Variants in SLC25A41 observed in about 807,000 individuals in gnomAD.
SLC25A41 encodes the protein mitochondrial carrier protein SCaMC-3L.
Under a neutral mutation model 34.7 loss-of-function variants are expected in SLC25A41, and 35 were observed. The ratio of observed to expected loss-of-function variants is 1.01; its 90% confidence interval spans 0.77 to 1.34. The LOEUF (loss-of-function observed/expected upper bound fraction) is 1.34. Ranked by LOEUF, SLC25A41 falls within the 40% of genes most tolerant of loss-of-function variation. The pLI is 0.00. For synonymous variants in SLC25A41, 190 were observed against 209.9 expected, an observed-to-expected ratio of 0.91 and a Z score of 0.82; for missense variants, 492 against 489.8, an observed-to-expected ratio of 1.00 and a Z score of -0.04.
upstream of SLC25A41, among the ~76,000 whole-genome samples, chr19:6,434,952 G>A (rs1358903298): frequency 6.6e-6 from 1 of 151,882 alleles, no homozygotes. Flanking sequence ...GCTGGGCGCC[G>A]TGGCTCATTC....
rs1555730062 is a variant in SLC25A41, at chr19:6,429,049, TTA to T, written c.624+673_624+674del. Among the ~76,000 whole-genome samples, 9 of 37,360 alleles carry T rather than the reference TTA, an allele frequency of 2.4e-4. 2 individuals are homozygous for T. Among genetic ancestry groups the T allele is most frequent in the East Asian group, 1.8e-3 (2 of 1,120 alleles). 24.5% of individuals were successfully genotyped at this position (37,360 alleles called of 152,430 possible). ...TATATATATATATATAATATATATATTATATATATGTTATATATATATATAAT... is the reference window on the plus strand; with the variant it reads ...TATATATATATATATAATATATATATTATATATGTTATATATATATATAAT... On this transcript the variant is annotated intron_variant, in intron 4 of 6. Transcript: ENST00000321510.
At chr19:6,433,384 G>A in intron 1 of SLC25A41, 103 bp downstream of exon 1, 1 of 1,183,036 alleles carries the variant, frequency 8.5e-7, no homozygotes, top group Admixed American at 1.8e-5. Context: ...TGGAATTCTA[G>A]GTCCGCTAGC....
At chr19:6,434,194 C>T (rs2092298283), upstream of SLC25A41, among the ~76,000 whole-genome samples, 1 of 152,150 alleles carries the variant, frequency 6.6e-6, no homozygotes, top group African/African-American at 2.4e-5. Context: ...CTGCCCACCT[C>T]AGCCTCCCAA....
At chr19:6,426,608 C>G in intron 6 of SLC25A41, 47 bp from the exon 7 acceptor site, 1 of 1,589,922 alleles carries the variant, frequency 6.3e-7, no homozygotes. Context: ...GATGACCGGG[C>G]CTCCTAGGAG....
intron 6 of SLC25A41, 78 bp from the exon 7 acceptor site, chr19:6,426,639 T>A: frequency 6.5e-7 from 1 of 1,531,348 alleles, no homozygotes; most frequent in Non-Finnish European, 8.9e-7. Flanking sequence ...TGCGGACAGG[T>A]GCTGAAGCCA....
At chr19:6,431,838 G>T (rs890664910) in intron 2 of SLC25A41, among the ~76,000 whole-genome samples, 1 of 151,992 alleles carries the variant, frequency 6.6e-6, no homozygotes, top group Non-Finnish European at 1.5e-5. Flanking sequence ...TCCCTGGCAA[G>T]TTCTCTCAAC....
At chr19:6,435,712 C>T (rs2092307857), upstream of SLC25A41, among the ~76,000 whole-genome samples, 1 of 152,030 alleles carries the variant, frequency 6.6e-6, no homozygotes, top group African/African-American at 2.4e-5. Flanking sequence ...TTAAAATTAG[C>T]CAGGTGTGGT....
intron 6 of SLC25A41, among the ~76,000 whole-genome samples, chr19:6,426,814 G>A (rs1182749559): frequency 2.0e-5 from 3 of 152,116 alleles, no homozygotes; most frequent in Admixed American, 6.6e-5. Flanking sequence ...TCTCTGTTGC[G>A]CAGGCTGGAG....
At chr19:6,432,923 C>T (rs1322569738) in intron 1 of SLC25A41, among the ~76,000 whole-genome samples, 1 of 152,092 alleles carries the variant, frequency 6.6e-6, no homozygotes, top group Non-Finnish European at 1.5e-5. Flanking sequence ...CTGCCTCAGC[C>T]TCCCAAAGTG....
Position 6,427,095 on chromosome 19 carries a change from A to G in SLC25A41, c.940+8T>C. The stretch of plus-strand genomic sequence containing the variant: ...GGCATGCGTGGTGGCCGCTGGGGAC[A>G]GGCTGACCTTGGGCCTGCATCCTGG... On this transcript the variant is annotated splice_region_variant and intron_variant, in intron 6 of 6. Coordinates refer to ENST00000321510, the MANE Select transcript of SLC25A41 (RefSeq NM_173637.4). This position sits in a 1 kb window ranked among gnomAD's most constrained non-coding sequence, Gnocchi z 4.9. The G allele has an allele frequency of 6.3e-7, 1 of 1,593,686 alleles. No homozygotes were observed. Among genetic ancestry groups the G allele is most frequent in the Non-Finnish European group, 8.5e-7 (1 of 1,171,160 alleles).
Position 6,427,028 on chromosome 19 carries a change from G to C in SLC25A41, c.940+75C>G. ...ACGGAGGGTGCCGGACTCAGTTTTG[G>C]GGTATGAGAAAATTGAGACAGCCAG... On this transcript the variant is annotated intron_variant, in intron 6 of 6. Transcript: ENST00000321510. This position sits in a 1 kb window ranked among gnomAD's most constrained non-coding sequence, Gnocchi z 4.9. 5 of 1,497,854 alleles carry C rather than the reference G, an allele frequency of 3.3e-6. No individual in the cohort carries two copies. In the South Asian group the frequency reaches 6.1e-5, roughly 18 times the overall value. 92.8% of individuals were successfully genotyped at this position (1,497,854 alleles called of 1,614,324 possible). A position where few individuals can be genotyped will look rare whatever the true frequency, so the allele number is the denominator to read the frequency against.
chr19:6,427,180 G>A lies in SLC25A41; in HGVS notation c.863C>T (p.Ser288Phe), dbSNP rs555585743. 9.9e-6 allele frequency: 16 copies of A among 1,612,372 alleles called. No individual in the cohort carries two copies. The South Asian group carries it at 1.6e-4, about 17-fold the overall frequency. ...GDPSGLVSLS[S>F]VTLSTTCGQM... ...GCCACAGGTCGTGGATAGCGTCACA[G>A]ACGACAGACTGACCAGGCCACTGGG... Residue 288 changes from serine (S) to phenylalanine (F), a missense_variant, in exon 6 of 7, where the codon TCT (serine) becomes TTT (phenylalanine). Transcript: ENST00000321510. This position sits in a 1 kb window ranked among gnomAD's most constrained non-coding sequence, Gnocchi z 4.9.
rs1568349255 is a variant in SLC25A41, at chr19:6,429,026, T to TATATATATATATATATA, written c.624+697_624+698insTATATATATATATATAT. Among the ~76,000 whole-genome samples the TATATATATATATATATA allele has an allele frequency of 2.7e-3, 88 of 33,080 alleles. 14 individuals carry two copies. Among genetic ancestry groups the TATATATATATATATATA allele is most frequent in the African/African-American group, 0.018 (85 of 4,762 alleles). The allele number at this position is 33,080 out of a possible 152,430, so 21.7% of individuals were successfully genotyped here. A position where few individuals can be genotyped will look rare whatever the true frequency, so the allele number is the denominator to read the frequency against. On this transcript the variant is annotated intron_variant, in intron 4 of 6. Coordinates refer to ENST00000321510, the MANE Select transcript of SLC25A41 (RefSeq NM_173637.4). ...CCAAGGTGTCTGGCCTGAAAATTTA[T>TATATATATATATATATA]ATATATATATATAATATATATATTA...
chr19:6,426,702 A>C (rs928823346), intron 6 of SLC25A41, 141 bp from the exon 7 acceptor site: 1 of 838,640 alleles, frequency 1.2e-6, no homozygotes, highest in Non-Finnish European at 1.8e-6. Context: ...GTCTTAGAGG[A>C]AATTGGTCAG....
In SLC25A41 at chr19:6,429,135, TA is replaced by T. The variant is rs1568349776; in HGVS notation, c.624+588del. On this transcript the variant is annotated intron_variant, in intron 4 of 6. Transcript: ENST00000321510. Reference sequence around the variant, plus strand: ...ATATATATATTATATATATGTTATATATATATATAATATATATATTATATAT... The same window carrying T: ...ATATATATATTATATATATGTTATATTATATATAATATATATATTATATAT... Among the ~76,000 whole-genome samples, 16 of 23,890 alleles carry T rather than the reference TA, an allele frequency of 6.7e-4. 2 individuals carry two copies. Among genetic ancestry groups the T allele is most frequent in the African/African-American group, 1.8e-3 (10 of 5,592 alleles). The allele number at this position is 23,890 out of a possible 152,430, so 15.7% of individuals were successfully genotyped here.
chr19:6,430,476 C>T (rs1027475083), intron 2 of SLC25A41: 14 of 500,002 alleles, frequency 2.8e-5, no homozygotes, highest in Non-Finnish European at 4.7e-5. Context: ...TCCCTTCCTC[C>T]GTTCCTCCCT....
chr19:6,432,592 T>C lies in SLC25A41; in HGVS notation c.208-388A>G, dbSNP rs184501551. On this transcript the variant is annotated intron_variant, in intron 1 of 6. Transcript: ENST00000321510. Reference sequence around the variant, plus strand: ...CCCTCCCCCCTGGTTTTTTTTTGTTTTGTTTTTGTTTTTTTTTAGACAGAG... The same window carrying C: ...CCCTCCCCCCTGGTTTTTTTTTGTTCTGTTTTTGTTTTTTTTTAGACAGAG... 2.0e-4 allele frequency among the ~76,000 whole-genome samples: 30 copies of C among 148,554 alleles called. No homozygotes were observed. The South Asian group carries it at 6.5e-3, about 32-fold the overall frequency.
At chr19:6,434,164 C>T (rs528951012), upstream of SLC25A41, among the ~76,000 whole-genome samples, 8 of 152,178 alleles carry the variant, frequency 5.3e-5, no homozygotes, top group African/African-American at 1.4e-4. Flanking sequence ...AGGATGGTCT[C>T]GATCTCCTGA....
rs1365037473 is a variant in SLC25A41, at chr19:6,430,145, G to A, written c.380C>T (p.Thr127Met). Residue 127 changes from threonine to methionine, a missense_variant, in exon 3 of 7, where the codon ACG becomes ATG. By Grantham distance (81) the Thr-to-Met change is moderately conservative. Transcript: ENST00000321510. The part of the protein sequence containing the change: ...KVYMQVYSSK[T>M]NFTNLLGGLQ... ...CCCCCCCAGCAGGTTGGTGAAGTTC[G>A]TCTTGGAGGAGTAGACCTGGGTGGA... 1.9e-5 allele frequency: 31 copies of A among 1,612,382 alleles called. No individual in the cohort carries two copies. The highest frequency in any genetic ancestry group is 3.3e-4 in the Middle Eastern group (2 of 6,076).
Sources: gnomAD v4.1 joint callset for allele counts (sites outside exome capture counted in the v4.1 genomes callset) on GRCh38, gnomAD v4.1.1 for gene constraint, Gnocchi (gnomAD v3.1) non-coding constraint, MANE v1.5 for transcripts, NCBI Gene and HGNC (gene_info 2026-07-23, HGNC 2026-07-21) for gene names.